KIF5A: variants seen among roughly 807,000 people sequenced by gnomAD.
KIF5A encodes kinesin heavy chain isoform 5A.
A neutral mutation model predicts 141.3 loss-of-function variants in KIF5A; 35 were observed. The observed-to-expected ratio is 0.25, with a 90% CI of 0.19 to 0.33. KIF5A has a LOEUF of 0.33. Ranked by LOEUF, KIF5A falls within the 10% of genes least tolerant of loss-of-function variation. KIF5A has a pLI of 1.00. For missense variants in KIF5A, 861 were observed against 1,314.3 expected (o/e 0.66, Z 5.33); for synonymous variants, 448 against 500.2 (o/e 0.90, Z 1.39).
chr12:57,578,279 C>T lies in KIF5A; in HGVS notation c.2475C>T (p.Ser825=), dbSNP rs756196414. 6.8e-6 allele frequency: 11 copies of T among 1,613,966 alleles called. No individual in the cohort carries two copies. In the African/African-American group the frequency reaches 1.5e-4, roughly 22 times the overall value. The change falls in exon 23 of 29, where the codon TCC becomes TCT. Residue 825 remains serine (S), a synonymous_variant. Transcript: ENST00000455537. The part of the protein sequence containing the change: ...MEPEDSGGIH[S]QKQKISFLEN... ...CCGAAGACAGTGGGGGGATTCACTC[C>T]CAAAAGCAGAAGATTTCCTTTCTTG... is the stretch of plus-strand genomic sequence containing the variant.
intron 1 of KIF5A, among the ~76,000 whole-genome samples, chr12:57,553,754 G>GAGA (rs1324828054): frequency 6.6e-6 from 1 of 152,134 alleles, no homozygotes; most frequent in Non-Finnish European, 1.5e-5. Context: ...AATGGAAGAG[G>GAGA]AGACACCAGG....
chr12:57,572,405 A>T lies in KIF5A; in HGVS notation c.1569+138A>T. On this transcript the variant is annotated intron_variant, in intron 14 of 28. Transcript: ENST00000455537. This position sits in a 1 kb window ranked among gnomAD's most constrained non-coding sequence, Gnocchi z 4.2. ...TTCAGTGCATTGTGAGTCCCTCCCC[A>T]ACCCTGTCACTGCACTTTCCCCTCA... The T allele has an allele frequency of 2.4e-6, 3 of 1,246,764 alleles. No homozygotes were observed. Among genetic ancestry groups the T allele is most frequent in the Non-Finnish European group, 3.4e-6 (3 of 872,950 alleles). The allele number at this position is 1,246,764 out of a possible 1,614,324, so 77.2% of individuals were successfully genotyped here. A position where few individuals can be genotyped will look rare whatever the true frequency, so the allele number is the denominator to read the frequency against.
rs768803434 is a variant in KIF5A at position 57,576,847 on chromosome 12, A to G, written c.2285A>G (p.Lys762Arg). 6.2e-7 allele frequency: 1 copy of G among 1,613,284 alleles called. No homozygotes were observed. Residue 762 changes from lysine (K) to arginine (R), a missense_variant, in exon 20 of 29, where the codon AAG becomes AGG. Transcript: ENST00000455537. ...AGCGAAGAACACGAGAAGAGCACCA[A>G]GCTGCAGGAGCTGACGTGAGTGGCA... Reference protein sequence around the residue: ...LKSEEHEKSTKLQELTFLYER... With the variant: ...LKSEEHEKSTRLQELTFLYER...
Position 57,555,496 on chromosome 12 carries a change from CAGG to C in KIF5A, c.129+5099_129+5101del, listed in dbSNP as rs757236221. Among the ~76,000 whole-genome samples, 15 of 152,254 alleles carry C rather than the reference CAGG, an allele frequency of 9.9e-5. No homozygotes were observed. In the East Asian group the frequency reaches 2.7e-3, roughly 27 times the overall value. On this transcript the variant is annotated intron_variant, in intron 1 of 28. Transcript: ENST00000455537. ...GTCCCAGCTACTCAGGAGGCTGATG[CAGG>C]AGAATTGCTTGAACCTGGGAGGCGG...
At chr12:57,582,052 C>T (rs111792924) in intron 26 of KIF5A, 100 bp downstream of exon 26, 29 of 970,082 alleles carry the variant, frequency 3.0e-5, no homozygotes, top group Non-Finnish European at 2.1e-5. Context: ...ACTGACTGAA[C>T]CTTTCTGGTG....
rs1307949713 is a variant in KIF5A, at chr12:57,586,429, A to T, written c.*2248A>T. On this transcript the variant is annotated 3_prime_UTR_variant, in exon 29 of 29. Transcript: ENST00000455537. ...CCCTTCACCAGAAGCTTCACACTAC[A>T]TCCTCCTCCTCCTCCTGCTCCCCAC... 1.3e-5 allele frequency: 2 copies of T among 152,178 alleles called. No individual in the cohort carries two copies. The highest frequency in any genetic ancestry group is 1.5e-5 in the Non-Finnish European group (1 of 67,968). 9.4% of individuals were successfully genotyped at this position (152,178 alleles called of 1,614,324 possible). A position where few individuals can be genotyped will look rare whatever the true frequency, so the allele number is the denominator to read the frequency against.
intron 1 of KIF5A, among the ~76,000 whole-genome samples, chr12:57,552,990 T>A (rs538449057): frequency 6.6e-6 from 1 of 152,196 alleles, no homozygotes; most frequent in South Asian, 2.1e-4. Context: ...CTCCTCTGAC[T>A]TCTTCCAGGA....
At position 57,580,952 on chromosome 12, in the gene KIF5A, A is replaced by T; in HGVS notation, c.2539-4A>T. ...CCACTTCTTCCCTTTGGCTTGCCCCATAGCTGGTACGTGACAATGCAGATC... is the reference window on the plus strand; with the variant it reads ...CCACTTCTTCCCTTTGGCTTGCCCCTTAGCTGGTACGTGACAATGCAGATC... On this transcript the variant is annotated splice_region_variant and splice_polypyrimidine_tract_variant and intron_variant, in intron 23 of 28. Coordinates refer to ENST00000455537, the MANE Select transcript of KIF5A (RefSeq NM_004984.4). 1 of 1,613,774 alleles carries T rather than the reference A, an allele frequency of 6.2e-7. No homozygotes were observed.
Position 57,575,408 on chromosome 12 carries a change from G to A in KIF5A, c.1905+136G>A. On this transcript the variant is annotated intron_variant, in intron 16 of 28. Transcript: ENST00000455537. ...GTGAAATCAAGGACAGAAAAGCTGG[G>A]GTGGCAGGGGTGCAGATCAGGGCCA... 2.8e-6 allele frequency: 3 copies of A among 1,083,818 alleles called. No homozygotes were observed. In the South Asian group the frequency reaches 4.0e-5, roughly 14 times the overall value. 67.1% of individuals were successfully genotyped at this position (1,083,818 alleles called of 1,614,324 possible).
At chr12:57,562,069 C>T (rs975917375) in intron 1 of KIF5A, among the ~76,000 whole-genome samples, 4 of 152,228 alleles carry the variant, frequency 2.6e-5, no homozygotes, top group African/African-American at 9.6e-5. Context: ...CAGAGATTTA[C>T]CTCTAATGCA....
At chr12:57,568,766 A>AGG (rs1223891155) in intron 8 of KIF5A, among the ~76,000 whole-genome samples, 197 bp from the exon 9 acceptor site, 1 of 151,506 alleles carries the variant, frequency 6.6e-6, no homozygotes, top group South Asian at 2.1e-4. Flanking sequence ...GGCAGGGGTT[A>AGG]GGGGCAATGT....
In KIF5A at chr12:57,582,618, C is replaced by T; in HGVS notation, c.3009C>T (p.Ile1003=). 1 of 1,611,204 alleles carries T rather than the reference C, an allele frequency of 6.2e-7. No homozygotes were observed. Among genetic ancestry groups the T allele is most frequent in the Non-Finnish European group, 8.5e-7 (1 of 1,177,408 alleles). ...ANMDNGNATD[I]NDNRSDLPCG... ...TCTCTTCAGGAAATGCCACAGATAT[C>T]AATGACAATAGGTACAACAGTCCCC... is the stretch of plus-strand genomic sequence containing the variant. Residue 1003 remains isoleucine (I), a synonymous_variant, in exon 27 of 29, where the codon ATC becomes ATT. Transcript: ENST00000455537.
chr12:57,552,793 G>A (rs974654996), intron 1 of KIF5A, among the ~76,000 whole-genome samples: 1 of 152,160 alleles, frequency 6.6e-6, no homozygotes, highest in African/African-American at 2.4e-5. Context: ...GAAGAGTGAA[G>A]GTGGGAGAGA....
At chr12:57,560,075 A>G (rs1881865117) in intron 1 of KIF5A, among the ~76,000 whole-genome samples, 1 of 152,224 alleles carries the variant, frequency 6.6e-6, no homozygotes, top group South Asian at 2.1e-4. Context: ...TATTTTTAGT[A>G]GAGACATGGT....
At chr12:57,565,444 G>C (rs1217780509) in intron 6 of KIF5A, among the ~76,000 whole-genome samples, 4 of 151,582 alleles carry the variant, frequency 2.6e-5, no homozygotes, top group African/African-American at 9.7e-5. Flanking sequence ...GAAAAGAAAA[G>C]ATACTGTCTT....
At position 57,576,336 on chromosome 12, in the gene KIF5A, A is replaced by G. The variant is rs1594922783; in HGVS notation, c.2156A>G (p.Asp719Gly). The G allele has an allele frequency of 6.2e-7, 1 of 1,613,960 alleles. No individual in the cohort carries two copies. The highest frequency in any genetic ancestry group is 8.5e-7 in the Non-Finnish European group (1 of 1,179,894). Residue 719 changes from aspartate (D) to glycine (G), a missense_variant, in exon 19 of 29, where the codon GAC becomes GGC. Physicochemically the swap from Asp to Gly is moderately conservative, Grantham distance 94. Around this residue, in one of 5 missense-constraint regions of KIF5A, gnomAD observed 482 missense variants for 661.3 expected, o/e 0.73. Coordinates refer to ENST00000455537, the MANE Select transcript of KIF5A (RefSeq NM_004984.4). ...CACCGGCAGCTGGCCCGGCTCCGGG[A>G]CGAGATCAACGAGAAGCAGAAGACC... ...AHHRQLARLR[D>G]EINEKQKTID...
At position 57,571,338 on chromosome 12, in the gene KIF5A, A is replaced by C. The variant is rs770297402; in HGVS notation, c.1311A>C (p.Gln437His). The C allele has an allele frequency of 1.9e-6, 3 of 1,612,750 alleles. No homozygotes were observed. Among genetic ancestry groups the C allele is most frequent in the Non-Finnish European group, 2.5e-6 (3 of 1,178,776 alleles). The change falls in exon 13 of 29, where the codon CAA becomes CAC. Residue 437 changes from glutamine to histidine, a missense_variant. This residue lies in a region of KIF5A where 167 missense variants were observed against 192.0 expected (regional missense o/e 0.87). Coordinates refer to ENST00000455537, the MANE Select transcript of KIF5A (RefSeq NM_004984.4). The part of the protein sequence containing the change: ...QLDDKDDEIN[Q>H]QSQLIEKLKQ... ...TCCAACAGGATGATGAAATCAACCA[A>C]CAAAGCCAACTCATAGAGAAGCTCA...
chr12:57,577,964 A>C (rs746931613), intron 21 of KIF5A, 45 bp from the exon 22 acceptor site: 13 of 1,478,594 alleles, frequency 8.8e-6, no homozygotes, highest in Non-Finnish European at 1.1e-5. Flanking sequence ...GGAATAGGAC[A>C]GACCTGGTAT....
chr12:57,564,261 A>C (rs377545864), intron 4 of KIF5A, 49 bp downstream of exon 4: 9 of 1,360,678 alleles, frequency 6.6e-6, no homozygotes, highest in East Asian at 4.6e-5. Flanking sequence ...TGGGAGGGGA[A>C]GATCTAAAAT....
Sources: gnomAD v4.1 joint callset for allele counts (sites outside exome capture counted in the v4.1 genomes callset) on GRCh38, gnomAD v4.1.1 for gene constraint, gnomAD v4.1.1 regional missense constraint, Gnocchi (gnomAD v3.1) non-coding constraint, MANE v1.5 for transcripts, NCBI Gene and HGNC (gene_info 2026-07-23, HGNC 2026-07-21) for gene names.